The following CYP21A2 variants were observed in gnomAD, a reference collection of about 807,000 sequenced individuals.
CYP21A2 encodes steroid 21-hydroxylase.
In CYP21A2, 24 loss-of-function variants were observed where a neutral mutation model predicts 47.4. The observed-to-expected ratio is 0.51, with a 90% CI of 0.37 to 0.71. The LOEUF is 0.71. Among genes scored for constraint, CYP21A2 ranks in the 30% least tolerant of loss-of-function variants. CYP21A2 has a pLI of 0.00. For missense variants in CYP21A2, 358 were observed against 643.2 expected, an observed-to-expected ratio of 0.56 and a Z score of 4.80; for synonymous variants, 130 against 273.9, an observed-to-expected ratio of 0.47 and a Z score of 5.19.
At position 32,039,438 on chromosome 6, in the gene CYP21A2, C is replaced by A. The variant is rs748501160; in HGVS notation, c.530C>A (p.Thr177Asn). 1.7e-5 allele frequency: 28 copies of A among 1,612,156 alleles called. No individual in the cohort carries two copies. Among genetic ancestry groups the A allele is most frequent in the Non-Finnish European group, 2.4e-5 (28 of 1,179,074 alleles). ...ACCTGCAGCATCATCTGTTACCTCA[C>A]CTTCGGAGACAAGATCAAGGTGCCT... The part of the protein sequence containing the change: ...LLTCSIICYL[T>N]FGDKIKDDNL... The change falls in exon 4 of 10, where the codon ACC (threonine) becomes AAC (asparagine). Residue 177 changes from threonine (T) to asparagine (N), a missense_variant. Physicochemically the swap from Thr to Asn is moderately conservative, Grantham distance 65 (BLOSUM62 0). Transcript: ENST00000644719.
chr6:32,038,491 G>T lies in CYP21A2; in HGVS notation c.69G>T (p.Trp23Cys), dbSNP rs72552744. Residue 23 changes from tryptophan (W) to cysteine (C), a missense_variant, in exon 1 of 10, where the codon TGG becomes TGT. Trp to Cys is a radical substitution (Grantham distance 215, BLOSUM62 -2). Transcript: ENST00000644719. Reference protein sequence around the residue: ...LAGARLLWNWWKLRSLHLPPL... With the variant: ...LAGARLLWNWCKLRSLHLPPL... ...GCGCCCGCCTGCTGTGGAACTGGTGGAAGCTCCGGAGCCTCCACCTCCCGC... is the reference window on the plus strand; with the variant it reads ...GCGCCCGCCTGCTGTGGAACTGGTGTAAGCTCCGGAGCCTCCACCTCCCGC... The T allele has an allele frequency of 5.1e-4, 810 of 1,591,562 alleles. 2 individuals carry two copies. The highest frequency in any genetic ancestry group is 6.3e-4 in the Non-Finnish European group (738 of 1,168,538).
At chr6:32,039,291 C>T (rs1353560436) in intron 3 of CYP21A2, 43 bp downstream of exon 3, 9 of 1,573,716 alleles carry the variant, frequency 5.7e-6, no homozygotes, top group Non-Finnish European at 7.8e-6. Context: ...AGCCTCGCCT[C>T]TCACAGTAGC....
rs1258749689 is a variant in CYP21A2 at position 32,039,123 on chromosome 6, C to G, written c.322C>G (p.Leu108Val). The G allele has an allele frequency of 6.2e-7, 1 of 1,611,000 alleles. No individual in the cohort carries two copies. The change falls in exon 3 of 10, where the codon CTG becomes GTG. Residue 108 changes from leucine (L) to valine (V), a missense_variant. Coordinates refer to ENST00000644719, the MANE Select transcript of CYP21A2 (RefSeq NM_000500.9). ...GCTGGTGTCTAGGAACTACCCGGACCTGTCCTTGGGAGACTACTCCCTGCT... is the reference window on the plus strand; with the variant it reads ...GCTGGTGTCTAGGAACTACCCGGACGTGTCCTTGGGAGACTACTCCCTGCT... ...YKLVSRNYPD[L>V]SLGDYSLLWK...
intron 7 of CYP21A2, 28 bp downstream of exon 7, chr6:32,040,233 C>T: frequency 6.2e-7 from 1 of 1,612,818 alleles, no homozygotes; most frequent in South Asian, 1.1e-5. Context: ...GCAAAAGGCT[C>T]CTTCCCAGCA....
chr6:32,041,165 C>G lies in CYP21A2; in HGVS notation c.*31C>G. The G allele has an allele frequency of 6.4e-7, 1 of 1,553,692 alleles. No individual in the cohort carries two copies. The highest frequency in any genetic ancestry group is 8.8e-7 in the Non-Finnish European group (1 of 1,133,332). Reference sequence around the variant, plus strand: ...CAGGACCGATGCCAGCCGGGTACCTCAGTTTCTCCTTTATTGCTCCCGTAC... The same window carrying G: ...CAGGACCGATGCCAGCCGGGTACCTGAGTTTCTCCTTTATTGCTCCCGTAC... On this transcript the variant is annotated 3_prime_UTR_variant, in exon 10 of 10. Transcript: ENST00000644719.
chr6:32,040,210 G>A lies in CYP21A2; in HGVS notation c.939+5G>A, dbSNP rs557564791. The A allele has an allele frequency of 3.4e-5, 55 of 1,612,844 alleles. No homozygotes were observed. In the Middle Eastern group the frequency reaches 6.6e-4, roughly 19 times the overall value. On this transcript the variant is annotated splice_donor_5th_base_variant and intron_variant, in intron 7 of 9. Transcript: ENST00000644719. ...TTTTTGCTTCACCACCCTGAGGTGC[G>A]TCCTGGGGACAAGCAAAAGGCTCCT...
At position 32,039,759 on chromosome 6, in the gene CYP21A2, A is replaced by G. The variant is rs780780640; in HGVS notation, c.662A>G (p.Asn221Ser). The change falls in exon 6 of 10, where the codon AAT (asparagine) becomes AGT (serine). Residue 221 changes from asparagine to serine, a missense_variant. Asn to Ser is a conservative substitution (Grantham distance 46, BLOSUM62 1). Transcript: ENST00000644719. ...DVIPFLRFFP[N>S]PGLRRLKQAI... ...TGCTTCCTGCCGCAGTTCTTCCCCAATCCAGGTCTCCGGAGGCTGAAGCAG... is the reference window on the plus strand; with the variant it reads ...TGCTTCCTGCCGCAGTTCTTCCCCAGTCCAGGTCTCCGGAGGCTGAAGCAG... 1.4e-4 allele frequency: 218 copies of G among 1,612,176 alleles called. No homozygotes were observed. Among genetic ancestry groups the G allele is most frequent in the Non-Finnish European group, 1.7e-4 (204 of 1,179,264 alleles).
rs745826667 is a variant in CYP21A2, at chr6:32,040,440, A to G, written c.974A>G (p.Glu325Gly). 1.5e-5 allele frequency: 25 copies of G among 1,613,006 alleles called. No individual in the cohort carries two copies. In the South Asian group the frequency reaches 2.4e-4, roughly 16 times the overall value. Residue 325 changes from glutamate to glycine, a missense_variant, in exon 8 of 10, where the codon GAA becomes GGA. Glu to Gly is a moderately conservative substitution (Grantham distance 98, BLOSUM62 -2). Transcript: ENST00000644719. ...QQRLQEELDH[E>G]LGPGASSSRV... ...CGACTGCAGGAGGAGCTAGACCACG[A>G]ACTGGGCCCTGGTGCCTCCAGCTCC...
Position 32,040,523 on chromosome 6 carries a change from G to A in CYP21A2, c.1057G>A (p.Val353Met), listed in dbSNP as rs1776233249. ...LPLLNATIAEVLRLRPVVPLA... is the reference protein window; with the variant it reads ...LPLLNATIAEMLRLRPVVPLA... The stretch of plus-strand genomic sequence containing the variant: ...CTTGCTCAATGCCACCATCGCCGAG[G>A]TGCTGCGCCTGCGGCCCGTTGTGCC... The change falls in exon 8 of 10, where the codon GTG becomes ATG. Residue 353 changes from valine (V) to methionine (M), a missense_variant. Transcript: ENST00000644719. The A allele has an allele frequency of 2.5e-6, 4 of 1,613,648 alleles. No individual in the cohort carries two copies. The highest frequency in any genetic ancestry group is 2.2e-5 in the East Asian group (1 of 44,872).
At position 32,039,741 on chromosome 6, in the gene CYP21A2, T is replaced by G. The variant is rs1486537132; in HGVS notation, c.652-8T>G. On this transcript the variant is annotated splice_polypyrimidine_tract_variant and splice_region_variant and intron_variant, in intron 5 of 9. Transcript: ENST00000644719. ...CCCACAGCTGCATTCTCATGCTTCC[T>G]GCCGCAGTTCTTCCCCAATCCAGGT... 6.2e-7 allele frequency: 1 copy of G among 1,605,688 alleles called. No homozygotes were observed. Among genetic ancestry groups the G allele is most frequent in the South Asian group, 1.1e-5 (1 of 89,350 alleles).
rs6452 is a variant in CYP21A2 at position 32,038,676 on chromosome 6, C to T, written c.203-46C>T. The T allele has an allele frequency of 2.3e-3, 3,494 of 1,526,164 alleles. 62 individuals carry two copies. The African/African-American group carries it at 0.041, about 18-fold the overall frequency. The allele number at this position is 1,526,164 out of a possible 1,614,324, so 94.5% of individuals were successfully genotyped here. A position where few individuals can be genotyped will look rare whatever the true frequency, so the allele number is the denominator to read the frequency against. ...TCACCATAGGAGGGGGCGGAGGTGA[C>T]GGAGAGGGTCCTCTCTCCGCTGACG... On this transcript the variant is annotated intron_variant, in intron 1 of 9. Coordinates refer to ENST00000644719, the MANE Select transcript of CYP21A2 (RefSeq NM_000500.9).
In CYP21A2 at chr6:32,039,888, C is replaced by T. The variant is rs950261951; in HGVS notation, c.738+53C>T. ...CTCGGCCCACAGCCAGTGATGCTAC[C>T]GGCCTCAGCATTGCTATGAGGCGGG... On this transcript the variant is annotated intron_variant, in intron 6 of 9. Transcript: ENST00000644719. 174 of 1,605,854 alleles carry T rather than the reference C, an allele frequency of 1.1e-4. 3 individuals carry two copies. Among genetic ancestry groups the T allele is most frequent in the South Asian group, 1.4e-4 (13 of 90,208 alleles).
Position 32,038,821 on chromosome 6 carries a change from G to A in CYP21A2, c.292+10G>A, listed in dbSNP as rs745712520. The A allele has an allele frequency of 4.8e-5, 68 of 1,411,554 alleles. No homozygotes were observed. The highest frequency in any genetic ancestry group is 3.5e-4 in the Middle Eastern group (2 of 5,706). 87.4% of individuals were successfully genotyped at this position (1,411,554 alleles called of 1,614,324 possible). Reference sequence around the variant, plus strand: ...CCTGAGCCACTTACCTGTAAGGGCCGGGGGCATTTTTTCTTTCTTAAAAAA... The same window carrying A: ...CCTGAGCCACTTACCTGTAAGGGCCAGGGGCATTTTTTCTTTCTTAAAAAA... On this transcript the variant is annotated intron_variant, in intron 2 of 9. Transcript: ENST00000644719.
chr6:32,041,299 C>A lies in CYP21A2; in HGVS notation c.*165C>A, dbSNP rs1186424853. 1 of 771,390 alleles carries A rather than the reference C, an allele frequency of 1.3e-6. No individual in the cohort carries two copies. 47.8% of individuals were successfully genotyped at this position (771,390 alleles called of 1,614,324 possible). On this transcript the variant is annotated 3_prime_UTR_variant, in exon 10 of 10. Transcript: ENST00000644719. ...ACCCTGGCTCTTCTCTCGGGGCGAC[C>A]CCTCAGTGCTCGGCAGTCATACTGG... is the stretch of plus-strand genomic sequence containing the variant.
Position 32,039,590 on chromosome 6 carries a change from G to T in CYP21A2, c.594G>T (p.Val198=). The T allele has an allele frequency of 6.3e-7, 1 of 1,577,464 alleles. No individual in the cohort carries two copies. The highest frequency in any genetic ancestry group is 1.3e-5 in the African/African-American group (1 of 74,236). Residue 198 remains valine, a synonymous_variant, in exon 5 of 10, where the codon GTG becomes GTT. Coordinates refer to ENST00000644719, the MANE Select transcript of CYP21A2 (RefSeq NM_000500.9). ...MPAYYKCIQE[V]LKTWSHWSIQ... is the part of the protein sequence containing the mutation. ...CCTATTACAAATGTATCCAGGAGGTGTTAAAAACCTGGAGCCACTGGTCCA... is the reference window on the plus strand; with the variant it reads ...CCTATTACAAATGTATCCAGGAGGTTTTAAAAACCTGGAGCCACTGGTCCA...
chr6:32,039,907 A>G, intron 6 of CYP21A2, 72 bp downstream of exon 6: 1 of 1,605,424 alleles, frequency 6.2e-7, no homozygotes, highest in Non-Finnish European at 8.5e-7. Flanking sequence ...CATTGCTATG[A>G]GGCGGGTTCT....
In CYP21A2 at chr6:32,039,773, A is replaced by T; in HGVS notation, c.676A>T (p.Arg226Trp). The change falls in exon 6 of 10, where the codon AGG becomes TGG. Residue 226 changes from arginine to tryptophan, a missense_variant. Physicochemically the swap from Arg to Trp is moderately radical, Grantham distance 101. Transcript: ENST00000644719. ...GTTCTTCCCCAATCCAGGTCTCCGG[A>T]GGCTGAAGCAGGCCATAGAGAAGAG... Reference protein sequence around the residue: ...LRFFPNPGLRRLKQAIEKRDH... With the variant: ...LRFFPNPGLRWLKQAIEKRDH... The T allele has an allele frequency of 6.2e-7, 1 of 1,613,430 alleles. No homozygotes were observed.
At chr6:32,039,027 C>A (rs6451) in intron 2 of CYP21A2, 67 bp from the exon 3 acceptor site, 182,581 of 1,547,130 alleles carry the variant, frequency 0.12, 13,939 homozygotes, top group South Asian at 0.27. Flanking sequence ...TTGGGGAGGC[C>A]GAAGAAGGTC....
At position 32,039,340 on chromosome 6, in the gene CYP21A2, C is replaced by A; in HGVS notation, c.448-16C>A. 1 of 1,601,486 alleles carries A rather than the reference C, an allele frequency of 6.2e-7. No individual in the cohort carries two copies. The highest frequency in any genetic ancestry group is 8.5e-7 in the Non-Finnish European group (1 of 1,173,988). ...GCTGCACAGCGGCCTGCTGAACTCA[C>A]ACTGTTTCTCCACAGCGCATGAGAG... On this transcript the variant is annotated splice_polypyrimidine_tract_variant and intron_variant, in intron 3 of 9. Transcript: ENST00000644719.
Sources: gnomAD v4.1 joint callset for allele counts on GRCh38, gnomAD v4.1.1 for gene constraint, MANE v1.5 for transcripts, NCBI Gene and HGNC (gene_info 2026-07-23, HGNC 2026-07-21) for gene names.